The following LRRC17 variants were observed in gnomAD, a reference collection of about 807,000 sequenced individuals.
The protein encoded by LRRC17 is leucine rich repeat containing 17.
Under a neutral mutation model 41.5 loss-of-function variants are expected in LRRC17, and 33 were observed. That is an observed-to-expected ratio of 0.80 (90% CI 0.60 to 1.06). LRRC17 has a LOEUF of 1.06. LRRC17 is among the 50% of genes least tolerant of loss of function. The pLI is 0.00. For missense variants in LRRC17, 491 were observed against 519.3 expected (o/e 0.95, Z 0.53); for synonymous variants, 192 against 197.0 (o/e 0.97, Z 0.21).
intron 1 of LRRC17, among the ~76,000 whole-genome samples, chr7:102,920,644 G>A (rs966215000): frequency 6.6e-6 from 1 of 151,974 alleles, no homozygotes; most frequent in African/African-American, 2.4e-5. Flanking sequence ...ACCACGCATG[G>A]CCCATACACT....
intron 1 of LRRC17, among the ~76,000 whole-genome samples, chr7:102,914,047 C>T (rs143184947): frequency 1.8e-4 from 27 of 152,280 alleles, no homozygotes; most frequent in African/African-American, 6.0e-4. Flanking sequence ...TGGACAATTT[C>T]CCAAGCCCTC....
chr7:102,931,811 T>C, intron 1 of LRRC17: 3 of 1,414,054 alleles, frequency 2.1e-6, no homozygotes, highest in Non-Finnish European at 3.0e-6. Flanking sequence ...GCATCTATTC[T>C]GCATATTGGC....
intron 2 of LRRC17, among the ~76,000 whole-genome samples, chr7:102,936,818 T>C (rs1820405314): frequency 6.6e-6 from 1 of 152,332 alleles, no homozygotes; most frequent in South Asian, 2.1e-4. Flanking sequence ...CTACACTGTG[T>C]TCTAAGAAGA....
At chr7:102,939,624 T>G in intron 3 of LRRC17, 39 bp downstream of exon 3, 1 of 1,551,236 alleles carries the variant, frequency 6.4e-7, no homozygotes, top group Non-Finnish European at 8.7e-7. Flanking sequence ...GGGTGGCAAG[T>G]GTTCTGTGAT....
intron 1 of LRRC17, among the ~76,000 whole-genome samples, chr7:102,930,672 T>G (rs1341248501): frequency 6.6e-6 from 1 of 152,200 alleles, no homozygotes; most frequent in Non-Finnish European, 1.5e-5. Context: ...TCAACCTACT[T>G]CTCTTACTAT....
intron 1 of LRRC17, among the ~76,000 whole-genome samples, chr7:102,922,465 A>T (rs2129471081): frequency 6.6e-6 from 1 of 152,284 alleles, no homozygotes; most frequent in South Asian, 2.1e-4. Flanking sequence ...TTCCAAAAAA[A>T]GTATGCATAT....
At chr7:102,926,194 C>T in intron 1 of LRRC17, 1 of 1,169,696 alleles carries the variant, frequency 8.5e-7, no homozygotes, top group South Asian at 1.4e-5. Context: ...GGGAGCACTG[C>T]CCTTGCAGAA....
chr7:102,944,660 G>A lies in LRRC17; in HGVS notation c.*53G>A. The A allele has an allele frequency of 6.9e-6, 10 of 1,454,908 alleles. No individual in the cohort carries two copies. Among genetic ancestry groups the A allele is most frequent in the Non-Finnish European group, 7.4e-6 (8 of 1,082,408 alleles). 90.1% of individuals were successfully genotyped at this position (1,454,908 alleles called of 1,614,324 possible). A position where few individuals can be genotyped will look rare whatever the true frequency, so the allele number is the denominator to read the frequency against. On this transcript the variant is annotated 3_prime_UTR_variant, in exon 4 of 4. Transcript: ENST00000339431. ...TTTTGTATTTTCTATACTGGTGTTA[G>A]AAAACATATGTTTACATTTGATTAA...
chr7:102,931,295 C>CA (rs1223567082), intron 1 of LRRC17, among the ~76,000 whole-genome samples: 2 of 152,196 alleles, frequency 1.3e-5, no homozygotes, highest in Non-Finnish European at 2.9e-5. Flanking sequence ...GAGGCAGAGG[C>CA]AAAACCACAG....
chr7:102,942,699 CAA>C (rs1821699713), intron 3 of LRRC17, among the ~76,000 whole-genome samples: 1 of 152,082 alleles, frequency 6.6e-6, no homozygotes, highest in Non-Finnish European at 1.5e-5. Context: ...CCCCTACCCG[CAA>C]GACATTGCTT....
intron 3 of LRRC17, among the ~76,000 whole-genome samples, chr7:102,940,487 G>A (rs1387325787): frequency 6.6e-6 from 1 of 152,144 alleles, no homozygotes; most frequent in Non-Finnish European, 1.5e-5. Flanking sequence ...TGGGATTACA[G>A]GCGTGAGCCA....
At chr7:102,932,414 A>G (rs1819353777) in intron 1 of LRRC17, among the ~76,000 whole-genome samples, 1 of 152,176 alleles carries the variant, frequency 6.6e-6, no homozygotes, top group Non-Finnish European at 1.5e-5. Flanking sequence ...CCACCCACTC[A>G]TTCATCTCTA....
At chr7:102,940,494 G>A (rs1453126197) in intron 3 of LRRC17, among the ~76,000 whole-genome samples, 2 of 152,268 alleles carry the variant, frequency 1.3e-5, no homozygotes, top group Non-Finnish European at 2.9e-5. Context: ...ACAGGCGTGA[G>A]CCACCATGCC....
intron 1 of LRRC17, among the ~76,000 whole-genome samples, chr7:102,922,091 G>T (rs1334405896): frequency 6.6e-6 from 1 of 152,006 alleles, no homozygotes; most frequent in Non-Finnish European, 1.5e-5. Flanking sequence ...TCAGGAGGCT[G>T]AGGCAGGAGA....
chr7:102,941,707 G>C (rs1821477571), intron 3 of LRRC17, among the ~76,000 whole-genome samples: 1 of 150,266 alleles, frequency 6.7e-6, no homozygotes. Context: ...CAAAACTGTA[G>C]TTTACCAACT....
intron 1 of LRRC17, among the ~76,000 whole-genome samples, chr7:102,932,595 C>T (rs746325027): frequency 0.012 from 30 of 2,560 alleles, 1 homozygote; most frequent in Non-Finnish European, 0.063. Flanking sequence ...TTGTTTGTTT[C>T]GTTTTTTTGA....
At chr7:102,913,174 C>T in intron 1 of LRRC17, 29 bp downstream of exon 1, 1 of 1,614,146 alleles carries the variant, frequency 6.2e-7, no homozygotes, top group Non-Finnish European at 8.5e-7. Context: ...TGTGAACCGT[C>T]TGCAATAAGC....
At chr7:102,942,275 T>A (rs376794983) in intron 3 of LRRC17, 217 of 1,588,042 alleles carry the variant, frequency 1.4e-4, no homozygotes, top group Non-Finnish European at 1.7e-4. Flanking sequence ...AAATGAAAGG[T>A]CTCCTATATT....
intron 1 of LRRC17, among the ~76,000 whole-genome samples, chr7:102,930,472 C>A (rs150241581): frequency 1.3e-5 from 2 of 152,304 alleles, no homozygotes; most frequent in African/African-American, 4.8e-5. Context: ...CTTCTGACCT[C>A]TTCTCCACTT....
Sources: gnomAD v4.1 joint callset for allele counts (sites outside exome capture counted in the v4.1 genomes callset) on GRCh38, gnomAD v4.1.1 for gene constraint, MANE v1.5 for transcripts, NCBI Gene and HGNC (gene_info 2026-07-23, HGNC 2026-07-21) for gene names.